IMMP2L: variants seen among roughly 807,000 people sequenced by gnomAD.
The protein encoded by IMMP2L is mitochondrial inner membrane protease subunit 2.
IMMP2L carries 18 observed loss-of-function variants against 19.3 expected under a neutral mutation model. The ratio of observed to expected loss-of-function variants is 0.93; its 90% CI spans 0.64 to 1.38. The LOEUF is 1.38. IMMP2L is among the 40% of genes most tolerant of loss of function. The pLI is 0.00. For missense variants in IMMP2L, 233 were observed against 218.2 expected, an observed-to-expected ratio of 1.07 and a Z score of -0.43; for synonymous variants, 76 against 73.0, an observed-to-expected ratio of 1.04 and a Z score of -0.21.
At chr7:110,890,951 C>T (rs896186231) in intron 4 of IMMP2L, among the ~76,000 whole-genome samples, 2 of 152,022 alleles carry the variant, frequency 1.3e-5, no homozygotes, top group African/African-American at 4.8e-5. Flanking sequence ...AGAATTTCTT[C>T]TTAAAAGTAT....
intron 3 of IMMP2L, among the ~76,000 whole-genome samples, chr7:111,270,554 T>C (rs1041055148): frequency 2.1e-4 from 32 of 152,162 alleles, no homozygotes; most frequent in African/African-American, 7.5e-4. Flanking sequence ...AAAAATATGA[T>C]GCAGAAGAGA....
intron 5 of IMMP2L, among the ~76,000 whole-genome samples, chr7:110,664,234 TA>T (rs1331206728): frequency 6.6e-6 from 1 of 152,050 alleles, no homozygotes; most frequent in Non-Finnish European, 1.5e-5. Context: ...CACAGAGTCC[TA>T]AAAAATATAT....
intron 3 of IMMP2L, among the ~76,000 whole-genome samples, chr7:111,218,124 T>C (rs1431093602): frequency 6.6e-6 from 1 of 152,134 alleles, no homozygotes; most frequent in African/African-American, 2.4e-5. Context: ...ACTCTTTCCC[T>C]ATATATGAAT....
intron 4 of IMMP2L, chr7:110,963,121 T>A: frequency 6.7e-7 from 1 of 1,495,100 alleles, no homozygotes. Context: ...TCTTAGTTTC[T>A]GCATTTGCTT....
intron 3 of IMMP2L, among the ~76,000 whole-genome samples, chr7:111,446,676 C>A (rs1838477487): frequency 6.6e-6 from 1 of 152,228 alleles, no homozygotes; most frequent in Non-Finnish European, 1.5e-5. Context: ...GAACGCAGTT[C>A]CTCACCAGCA....
chr7:111,005,902 G>A (rs1006840545), intron 3 of IMMP2L, among the ~76,000 whole-genome samples: 2 of 152,038 alleles, frequency 1.3e-5, no homozygotes, highest in East Asian at 1.9e-4. Flanking sequence ...CAGAATTAGC[G>A]GCTGGAACAC....
chr7:111,002,110 A>C (rs551885566), intron 3 of IMMP2L, among the ~76,000 whole-genome samples: 1 of 152,110 alleles, frequency 6.6e-6, no homozygotes, highest in African/African-American at 2.4e-5. Context: ...TCCTGATACT[A>C]TGAGAGTCAA....
intron 3 of IMMP2L, among the ~76,000 whole-genome samples, chr7:111,418,444 A>G (rs974734544): frequency 5.3e-5 from 8 of 151,904 alleles, no homozygotes; most frequent in Non-Finnish European, 1.0e-4. Context: ...ACTGAATTCT[A>G]GGATTTAAAA....
intron 3 of IMMP2L, among the ~76,000 whole-genome samples, chr7:110,976,358 T>C (rs1028787051): frequency 2.6e-5 from 4 of 152,082 alleles, no homozygotes; most frequent in African/African-American, 9.7e-5. Flanking sequence ...TGTCCTTTTG[T>C]GCCTGGCTTA....
At chr7:111,395,571 T>C (rs1251109701) in intron 3 of IMMP2L, among the ~76,000 whole-genome samples, 2 of 152,156 alleles carry the variant, frequency 1.3e-5, no homozygotes, top group African/African-American at 4.8e-5. Context: ...GCAAACACAA[T>C]ACAGCTTTTT....
intron 3 of IMMP2L, among the ~76,000 whole-genome samples, chr7:111,444,231 A>G (rs1838059323): frequency 1.3e-5 from 2 of 152,150 alleles, no homozygotes; most frequent in South Asian, 4.1e-4. Flanking sequence ...ATCCGCTGAT[A>G]CATATATTTA....
At chr7:111,272,949 G>A (rs893000236) in intron 3 of IMMP2L, among the ~76,000 whole-genome samples, 2 of 152,068 alleles carry the variant, frequency 1.3e-5, no homozygotes, top group African/African-American at 4.8e-5. Context: ...TCTTGATAGA[G>A]TATAAAGAAC....
rs753909715 is a variant in IMMP2L, at chr7:110,768,399, A to G, written c.409-104678T>C. Among the ~76,000 whole-genome samples the G allele has an allele frequency of 3.9e-5, 6 of 151,940 alleles. No individual in the cohort carries two copies. The South Asian group carries it at 6.2e-4, about 16-fold the overall frequency. ...GATGCACAGGGCTCTGCAGGCCACT[A>G]TGCAATTTCAGTTCCATTCTGTGCA... is the stretch of plus-strand genomic sequence containing the variant. On this transcript the variant is annotated intron_variant, in intron 5 of 5. Transcript: ENST00000405709.
In IMMP2L at chr7:110,663,624, G is replaced by C; in HGVS notation, c.506C>G (p.Pro169Arg). The change falls in exon 6 of 6, where the codon CCA becomes CGA. Residue 169 changes from proline to arginine, a missense_variant. By Grantham distance (103) the Pro-to-Arg change is moderately radical. Transcript: ENST00000405709. ...CAGTCATTCCTCTTCTCTCTGTACTGGTAAGCGCTCTGGAGGAAGAACAGA... is the reference window on the plus strand; with the variant it reads ...CAGTCATTCCTCTTCTCTCTGTACTCGTAAGCGCTCTGGAGGAAGAACAGA... ...LESVLPPERL[P>R]VQREEE The C allele has an allele frequency of 6.2e-7, 1 of 1,613,024 alleles. No individual in the cohort carries two copies. Among genetic ancestry groups the C allele is most frequent in the Non-Finnish European group, 8.5e-7 (1 of 1,179,282 alleles).
chr7:111,104,501 A>G (rs1333712933), intron 3 of IMMP2L, among the ~76,000 whole-genome samples: 1 of 151,816 alleles, frequency 6.6e-6, no homozygotes, highest in East Asian at 1.9e-4. Context: ...ATTGAAGCTG[A>G]TATCAATTTT....
chr7:110,931,328 G>A (rs552172655), intron 4 of IMMP2L, among the ~76,000 whole-genome samples: 1 of 152,244 alleles, frequency 6.6e-6, no homozygotes, highest in African/African-American at 2.4e-5. Context: ...GCAGCAAAAG[G>A]AACTCTTCTT....
rs1795977240 is a variant in IMMP2L, at chr7:110,727,527, CA to C, written c.409-63807del. 2.0e-5 allele frequency among the ~76,000 whole-genome samples: 3 copies of C among 152,168 alleles called. No homozygotes were observed. ...TTTCCTCCTCTCCCTCCCAGTGCTC[CA>C]AACCAGTAAGAGTCAGAAACTGATG... On this transcript the variant is annotated intron_variant, in intron 5 of 5. Transcript: ENST00000405709. The surrounding 1 kb of genome is among the most constrained non-coding windows in gnomAD (Gnocchi z 4.3).
chr7:111,067,162 T>C (rs1794584309), intron 3 of IMMP2L, among the ~76,000 whole-genome samples: 1 of 152,168 alleles, frequency 6.6e-6, no homozygotes, highest in Non-Finnish European at 1.5e-5. Context: ...ACCACAACCA[T>C]GAGTATAGCA....
chr7:111,098,815 A>T (rs1214420831), intron 3 of IMMP2L, among the ~76,000 whole-genome samples: 1 of 151,714 alleles, frequency 6.6e-6, no homozygotes, highest in Admixed American at 6.6e-5. Context: ...TCGAAAGAAC[A>T]AGCCTTTGTG....
Sources: gnomAD v4.1 joint callset for allele counts (sites outside exome capture counted in the v4.1 genomes callset) on GRCh38, gnomAD v4.1.1 for gene constraint, Gnocchi (gnomAD v3.1) non-coding constraint, MANE v1.5 for transcripts, NCBI Gene and HGNC (gene_info 2026-07-23, HGNC 2026-07-21) for gene names.